DUSP3: variants seen among roughly 807,000 people sequenced by gnomAD.
The protein encoded by DUSP3 is dual specificity phosphatase 3.
DUSP3 carries 7 observed loss-of-function variants against 15.5 expected under a neutral mutation model. The observed-to-expected ratio is 0.45, with a 90% CI of 0.26 to 0.85. DUSP3 has a LOEUF of 0.85. DUSP3 is among the 40% of genes least tolerant of loss of function. DUSP3 has a pLI of 0.18. For missense variants in DUSP3, 209 were observed against 251.7 expected, an observed-to-expected ratio of 0.83 and a Z score of 1.15; for synonymous variants, 86 against 104.2, an observed-to-expected ratio of 0.83 and a Z score of 1.07.
chr17:43,767,551 C>T lies in DUSP3; in HGVS notation c.*2058G>A, dbSNP rs1974256827. On this transcript the variant is annotated 3_prime_UTR_variant, in exon 3 of 3. Coordinates refer to ENST00000226004, the MANE Select transcript of DUSP3 (RefSeq NM_004090.4). ...TTATGGAGCTGGACAACCCTGGGGG[C>T]CAGGCCCTTAATCATTCTGAACCTC... is the stretch of plus-strand genomic sequence containing the variant. The T allele has an allele frequency of 6.6e-6, 1 of 152,494 alleles. No homozygotes were observed. The highest frequency in any genetic ancestry group is 1.5e-5 in the Non-Finnish European group (1 of 68,028). The allele number at this position is 152,494 out of a possible 1,614,324, so 9.4% of individuals were successfully genotyped here. A position where few individuals can be genotyped will look rare whatever the true frequency, so the allele number is the denominator to read the frequency against.
intron 1 of DUSP3, 51 bp downstream of exon 1, chr17:43,778,749 G>A (rs1974425186): frequency 2.8e-6 from 4 of 1,453,170 alleles, no homozygotes; most frequent in Non-Finnish European, 2.7e-6. Flanking sequence ...CCTCGGGTGG[G>A]CGGGGCGTCC....
At chr17:43,777,571 T>A (rs1567783268) in intron 1 of DUSP3, 1 of 455,482 alleles carries the variant, frequency 2.2e-6, no homozygotes, top group Non-Finnish European at 4.4e-6. Context: ...CCTCACACAC[T>A]CTGAGCCACC....
chr17:43,775,615 T>C (rs558572833), intron 1 of DUSP3, among the ~76,000 whole-genome samples: 1 of 152,196 alleles, frequency 6.6e-6, no homozygotes, highest in Non-Finnish European at 1.5e-5. Context: ...CCATCTGCTA[T>C]AGTACCTGCT....
intron 2 of DUSP3, among the ~76,000 whole-genome samples, chr17:43,770,986 A>ATGTG (rs755251504): frequency 6.3e-5 from 4 of 63,324 alleles, no homozygotes; most frequent in African/African-American, 2.0e-4. Flanking sequence ...GTGCGTGTAT[A>ATGTG]TATATGTGTG....
intron 2 of DUSP3, among the ~76,000 whole-genome samples, chr17:43,773,627 A>C (rs145754767): frequency 2.6e-5 from 4 of 152,276 alleles, no homozygotes; most frequent in African/African-American, 9.6e-5. Context: ...ATCTCTAGCC[A>C]ATGAGATGTG....
chr17:43,773,321 C>G (rs3785810), intron 2 of DUSP3, among the ~76,000 whole-genome samples: 52,776 of 151,870 alleles, frequency 0.35, 10,400 homozygotes, highest in African/African-American at 0.54. Flanking sequence ...TGGGGAGAGA[C>G]GAAGAGGTAA....
rs1265654579 is a variant in DUSP3 at position 43,778,897 on chromosome 17, G to C, written c.28C>G (p.Gln10Glu). The change falls in exon 1 of 3, where the codon CAG (glutamine) becomes GAG (glutamate). Residue 10 changes from glutamine to glutamate, a missense_variant. By Grantham distance (29) the Gln-to-Glu change is conservative. Transcript: ENST00000226004. ...TCCGAGAGCAGGTCGTTGAGATCCTGCACCGAGAGCTCGAACGAGCCCGAC... is the reference window on the plus strand; with the variant it reads ...TCCGAGAGCAGGTCGTTGAGATCCTCCACCGAGAGCTCGAACGAGCCCGAC... MSGSFELSVQDLNDLLSDGS... is the reference protein window; with the variant it reads MSGSFELSVEDLNDLLSDGS... 7 of 1,491,252 alleles carry C rather than the reference G, an allele frequency of 4.7e-6. No homozygotes were observed. The highest frequency in any genetic ancestry group is 6.3e-6 in the Non-Finnish European group (7 of 1,119,332). The allele number at this position is 1,491,252 out of a possible 1,614,324, so 92.4% of individuals were successfully genotyped here.
chr17:43,769,360 T>C lies in DUSP3; in HGVS notation c.*249A>G. On this transcript the variant is annotated 3_prime_UTR_variant, in exon 3 of 3. Coordinates refer to ENST00000226004, the MANE Select transcript of DUSP3 (RefSeq NM_004090.4). ...GGCCTTCCCCCTCTGAGCCCCCATCTCAGGGAAAAGACATCATAAGTTACA... is the reference window on the plus strand; with the variant it reads ...GGCCTTCCCCCTCTGAGCCCCCATCCCAGGGAAAAGACATCATAAGTTACA... 2.1e-6 allele frequency: 1 copy of C among 485,168 alleles called. No individual in the cohort carries two copies. The highest frequency in any genetic ancestry group is 3.7e-6 in the Non-Finnish European group (1 of 273,518). 30.1% of individuals were successfully genotyped at this position (485,168 alleles called of 1,614,324 possible).
chr17:43,773,154 C>T (rs1257103401), intron 2 of DUSP3, among the ~76,000 whole-genome samples: 1 of 152,212 alleles, frequency 6.6e-6, no homozygotes, highest in Non-Finnish European at 1.5e-5. Flanking sequence ...TAAAGCTTCT[C>T]TCTGAGCCCT....
Position 43,774,742 on chromosome 17 carries a change from AGTCG to A in DUSP3, c.318_321del (p.Asp107SerfsTer27). Reference sequence around the variant, plus strand: ...TTTTGAGCCAAAGCCTGGTCAATGAAGTCGGCAGCCCTTTCAAAGTAAGCGCTGA... The same window carrying A: ...TTTTGAGCCAAAGCCTGGTCAATGAAGCAGCCCTTTCAAAGTAAGCGCTGA... On this transcript the variant is annotated frameshift_variant, in exon 2 of 3. Coordinates refer to ENST00000226004, the MANE Select transcript of DUSP3 (RefSeq NM_004090.4). LOFTEE classifies it high-confidence loss of function. 1 of 1,614,178 alleles carries A rather than the reference AGTCG, an allele frequency of 6.2e-7. No individual in the cohort carries two copies. The highest frequency in any genetic ancestry group is 8.5e-7 in the Non-Finnish European group (1 of 1,180,024).
At chr17:43,775,910 G>A (rs751058072) in intron 1 of DUSP3, among the ~76,000 whole-genome samples, 1 of 152,012 alleles carries the variant, frequency 6.6e-6, no homozygotes, top group Non-Finnish European at 1.5e-5. Flanking sequence ...CAGGAGTTCG[G>A]GACCAGCCTG....
At position 43,766,881 on chromosome 17, in the gene DUSP3, G is replaced by A. The variant is rs1974247782; in HGVS notation, c.*2728C>T. 1 of 152,202 alleles carries A rather than the reference G, an allele frequency of 6.6e-6. No individual in the cohort carries two copies. Among genetic ancestry groups the A allele is most frequent in the African/African-American group, 2.4e-5 (1 of 41,450 alleles). The allele number at this position is 152,202 out of a possible 1,614,324, so 9.4% of individuals were successfully genotyped here. A position where few individuals can be genotyped will look rare whatever the true frequency, so the allele number is the denominator to read the frequency against. On this transcript the variant is annotated 3_prime_UTR_variant, in exon 3 of 3. Coordinates refer to ENST00000226004, the MANE Select transcript of DUSP3 (RefSeq NM_004090.4). ...TCTGTCAGTCAAAGAAAGGGAACAG[G>A]TCTGGGGAGGGGGTAAGGGCACCCT...
intron 2 of DUSP3, among the ~76,000 whole-genome samples, chr17:43,770,835 T>A (rs549058482): frequency 7.3e-5 from 11 of 151,346 alleles, no homozygotes; most frequent in Admixed American, 3.9e-4. Flanking sequence ...CTCGGCTCAC[T>A]TCAGCCTCCG....
At chr17:43,775,094 C>G (rs1377443095) in intron 1 of DUSP3, among the ~76,000 whole-genome samples, 156 bp from the exon 2 acceptor site, 1 of 152,208 alleles carries the variant, frequency 6.6e-6, no homozygotes, top group Admixed American at 6.5e-5. Context: ...GACCTCTTCC[C>G]TCACTCTGGC....
chr17:43,776,437 C>T (rs1171634743), intron 1 of DUSP3, among the ~76,000 whole-genome samples: 1 of 152,264 alleles, frequency 6.6e-6, no homozygotes, highest in Non-Finnish European at 1.5e-5. Context: ...TTCCACCTCA[C>T]TCTGCCCCTC....
chr17:43,772,269 CCTCCACTTT>C (rs1974329376), intron 2 of DUSP3, among the ~76,000 whole-genome samples: 1 of 152,178 alleles, frequency 6.6e-6, no homozygotes, highest in Non-Finnish European at 1.5e-5. Context: ...AAGCAGGAGT[CCTCCACTTT>C]CTTGCCCATT....
intron 2 of DUSP3, chr17:43,774,044 G>A (rs914553899): frequency 2.8e-5 from 6 of 211,132 alleles, no homozygotes; most frequent in South Asian, 5.2e-5. Flanking sequence ...CCTGGGAGGT[G>A]GAGGTTGCGG....
At chr17:43,771,020 G>A (rs866373538) in intron 2 of DUSP3, among the ~76,000 whole-genome samples, 3 of 131,048 alleles carry the variant, frequency 2.3e-5, no homozygotes, top group African/African-American at 8.3e-5. Context: ...GTGTGTGTGT[G>A]TATGTGTGTG....
At position 43,769,306 on chromosome 17, in the gene DUSP3, G is replaced by A. The variant is rs960756027; in HGVS notation, c.*303C>T. The A allele has an allele frequency of 1.6e-5, 6 of 370,824 alleles. No individual in the cohort carries two copies. Among genetic ancestry groups the A allele is most frequent in the Admixed American group, 1.4e-4 (3 of 21,954 alleles). The allele number at this position is 370,824 out of a possible 1,614,324, so 23.0% of individuals were successfully genotyped here. ...CTTACACTTCCACACACCTCCTGCC[G>A]TGGGCCATCGGGAAGCATGCAGGCC... On this transcript the variant is annotated 3_prime_UTR_variant, in exon 3 of 3. Coordinates refer to ENST00000226004, the MANE Select transcript of DUSP3 (RefSeq NM_004090.4).
Sources: allele counts gnomAD v4.1 joint callset (sites outside exome capture counted in the v4.1 genomes callset), GRCh38; gene constraint gnomAD v4.1.1; transcripts MANE v1.5; gene names NCBI Gene and HGNC (gene_info 2026-07-23, HGNC 2026-07-21).